Variants in TGFBRAP1 observed in about 807,000 individuals in gnomAD.
TGFBRAP1 encodes transforming growth factor-beta receptor-associated protein 1.
Under a neutral mutation model 83.2 loss-of-function variants are expected in TGFBRAP1, and 20 were observed. The observed-to-expected ratio is 0.24, with a 90% CI of 0.17 to 0.35. TGFBRAP1 has a LOEUF of 0.35. TGFBRAP1 is among the 10% of genes least tolerant of loss of function. TGFBRAP1 has a pLI of 1.00. For missense variants in TGFBRAP1, 950 were observed against 1,099.4 expected, an observed-to-expected ratio of 0.86 and a Z score of 1.92; for synonymous variants, 415 against 459.8, an observed-to-expected ratio of 0.90 and a Z score of 1.25.
At chr2:105,300,864 T>C (rs1678264543) in intron 2 of TGFBRAP1, among the ~76,000 whole-genome samples, 1 of 152,156 alleles carries the variant, frequency 6.6e-6, no homozygotes, top group Non-Finnish European at 1.5e-5. Flanking sequence ...TTAAAGGCCA[T>C]CATCAGTGAG....
chr2:105,316,520 T>C (rs1678883291), intron 1 of TGFBRAP1, among the ~76,000 whole-genome samples: 1 of 149,608 alleles, frequency 6.7e-6, no homozygotes, highest in Non-Finnish European at 1.5e-5. Flanking sequence ...AAAATTCACA[T>C]GGCAGACTGG....
chr2:105,295,788 C>T lies in TGFBRAP1; in HGVS notation c.1038+568G>A, dbSNP rs548513405. On this transcript the variant is annotated intron_variant, in intron 4 of 11. Transcript: ENST00000393359. Reference sequence around the variant, plus strand: ...ATCGCGTCACTGCACTCCAGCCTGTCGACAGAGCGAGACTCCATCTCAAAA... The same window carrying T: ...ATCGCGTCACTGCACTCCAGCCTGTTGACAGAGCGAGACTCCATCTCAAAA... 1.7e-4 allele frequency among the ~76,000 whole-genome samples: 21 copies of T among 127,166 alleles called. 1 individual carries two copies. The South Asian group carries it at 4.7e-3, about 29-fold the overall frequency. The allele number at this position is 127,166 out of a possible 152,430, so 83.4% of individuals were successfully genotyped here. A position where few individuals can be genotyped will look rare whatever the true frequency, so the allele number is the denominator to read the frequency against.
chr2:105,262,531 C>A (rs560122456), downstream of TGFBRAP1, among the ~76,000 whole-genome samples: 1 of 152,212 alleles, frequency 6.6e-6, no homozygotes, highest in Non-Finnish European at 1.5e-5. Flanking sequence ...TATAAACTAT[C>A]CAGTCTCGAA....
rs747658848 is a variant in TGFBRAP1, at chr2:105,267,481, C to T, written c.2485G>A (p.Val829Met). The T allele has an allele frequency of 6.2e-7, 1 of 1,614,196 alleles. No individual in the cohort carries two copies. The highest frequency in any genetic ancestry group is 1.1e-5 in the South Asian group (1 of 91,088). ...QICQNPFCEP[V>M]FVRYPNGGLV... ...CCACCATTTGGGTATCTAACAAACA[C>T]AGGCTCACAAAAGGGATTTTGGCAT... Residue 829 changes from valine to methionine, a missense_variant, in exon 12 of 12, where the codon GTG becomes ATG. By Grantham distance (21) the Val-to-Met change is conservative. Transcript: ENST00000393359.
chr2:105,288,882 TATA>T (rs1324124408), intron 4 of TGFBRAP1, among the ~76,000 whole-genome samples: 3 of 152,178 alleles, frequency 2.0e-5, no homozygotes, highest in Admixed American at 6.5e-5. Context: ...ACAATAAAAA[TATA>T]ATAATATATG....
chr2:105,274,179 T>C (rs1021745431), intron 8 of TGFBRAP1, among the ~76,000 whole-genome samples: 4 of 152,222 alleles, frequency 2.6e-5, no homozygotes, highest in African/African-American at 9.6e-5. Context: ...TTATGATAGA[T>C]GGTTAATCTG....
intron 2 of TGFBRAP1, among the ~76,000 whole-genome samples, chr2:105,301,025 A>G (rs1158125454): frequency 6.6e-6 from 1 of 152,022 alleles, no homozygotes; most frequent in Non-Finnish European, 1.5e-5. Context: ...GGAGTTCAAG[A>G]CCAGCCTGGG....
intron 4 of TGFBRAP1, 144 bp from the exon 5 acceptor site, chr2:105,284,542 T>C: frequency 4.4e-6 from 3 of 685,388 alleles, no homozygotes; most frequent in Admixed American, 2.6e-5. Context: ...GCATATGAAA[T>C]TATATGTATC....
At chr2:105,307,579 CA>C in intron 2 of TGFBRAP1, 34 bp downstream of exon 2, 2 of 1,565,450 alleles carry the variant, frequency 1.3e-6, no homozygotes, top group South Asian at 1.2e-5. Context: ...CGAGGCCACC[CA>C]AAAAGATCAG....
chr2:105,267,863 A>G (rs1345531508), intron 11 of TGFBRAP1: 1 of 985,330 alleles, frequency 1.0e-6, no homozygotes, highest in Non-Finnish European at 1.2e-6. Context: ...TGATCATTTC[A>G]AGCAAGGCCT....
rs1210944099 is a variant in TGFBRAP1, at chr2:105,269,104, T to TCTGCTC, written c.2406+162_2406+167dup. 9.2e-5 allele frequency among the ~76,000 whole-genome samples: 14 copies of TCTGCTC among 152,214 alleles called. No individual in the cohort carries two copies. Among genetic ancestry groups the TCTGCTC allele is most frequent in the Non-Finnish European group, 7.3e-5 (5 of 68,034 alleles). ...TACACCTACCAGCCCAGCCTCTGCC[T>TCTGCTC]CTGCTCACACAGACCTCAGTTTCTA... is the stretch of plus-strand genomic sequence containing the variant. On this transcript the variant is annotated intron_variant, in intron 11 of 11. Coordinates refer to ENST00000393359, the MANE Select transcript of TGFBRAP1 (RefSeq NM_004257.6). The surrounding 1 kb of genome is among the most constrained non-coding windows in gnomAD (Gnocchi z 4.1).
chr2:105,327,000 C>T lies in TGFBRAP1; in HGVS notation c.-18+2625G>A, dbSNP rs1044806599. On this transcript the variant is annotated intron_variant, in intron 1 of 11. Transcript: ENST00000393359. ...TTTTTTTAAATAAAGAAAAACGAGT[C>T]AGGTTTGCTACAGAGATGAGTTGTA... Among the ~76,000 whole-genome samples, 2 of 152,104 alleles carry T rather than the reference C, an allele frequency of 1.3e-5. 1 individual carries two copies. The highest frequency in any genetic ancestry group is 3.9e-4 in the East Asian group (2 of 5,188).
At chr2:105,274,662 G>A (rs1677277465) in intron 8 of TGFBRAP1, among the ~76,000 whole-genome samples, 1 of 152,234 alleles carries the variant, frequency 6.6e-6, no homozygotes, top group African/African-American at 2.4e-5. Context: ...GTCAGGATGT[G>A]CTCTGCAGGC....
chr2:105,321,756 A>G (rs1679074930), intron 1 of TGFBRAP1, among the ~76,000 whole-genome samples: 1 of 152,238 alleles, frequency 6.6e-6, no homozygotes, highest in Non-Finnish European at 1.5e-5. Flanking sequence ...TAACTGTTGG[A>G]ACATTGTAGC....
At chr2:105,270,506 C>T (rs1187241966) in intron 10 of TGFBRAP1, among the ~76,000 whole-genome samples, 2 of 152,228 alleles carry the variant, frequency 1.3e-5, no homozygotes, top group African/African-American at 2.4e-5. Flanking sequence ...TGAGGCTCAT[C>T]TGTTTTTACA....
At chr2:105,300,908 T>A (rs1200550552) in intron 2 of TGFBRAP1, among the ~76,000 whole-genome samples, 1 of 152,166 alleles carries the variant, frequency 6.6e-6, no homozygotes, top group Non-Finnish European at 1.5e-5. Context: ...TTTGTTAGGA[T>A]AACTGGACAG....
chr2:105,307,560 C>G (rs67600221), intron 2 of TGFBRAP1, 54 bp downstream of exon 2: 14 of 1,523,684 alleles, frequency 9.2e-6, no homozygotes, highest in South Asian at 3.8e-5. Flanking sequence ...AGTTTCAACA[C>G]GCAGTCACCG....
chr2:105,281,003 G>A (rs541743983), intron 5 of TGFBRAP1, among the ~76,000 whole-genome samples: 2 of 152,124 alleles, frequency 1.3e-5, no homozygotes, highest in Non-Finnish European at 2.9e-5. Flanking sequence ...TGCCTATGAT[G>A]AAGAGAATAC....
rs1676953045 is a variant in TGFBRAP1 at position 105,266,843 on chromosome 2, G to A, written c.*540C>T. The A allele has an allele frequency of 6.6e-6, 1 of 152,546 alleles. No homozygotes were observed. The highest frequency in any genetic ancestry group is 1.5e-5 in the Non-Finnish European group (1 of 68,288). 9.4% of individuals were successfully genotyped at this position (152,546 alleles called of 1,614,324 possible). On this transcript the variant is annotated 3_prime_UTR_variant, in exon 12 of 12. Coordinates refer to ENST00000393359, the MANE Select transcript of TGFBRAP1 (RefSeq NM_004257.6). Reference sequence around the variant, plus strand: ...AAGGCAGAGCCCACGAGGTAACCCTGGGAAATGGGCCCATGAGTGAGCGGC... The same window carrying A: ...AAGGCAGAGCCCACGAGGTAACCCTAGGAAATGGGCCCATGAGTGAGCGGC...
Sources: allele counts gnomAD v4.1 joint callset (sites outside exome capture counted in the v4.1 genomes callset), GRCh38; gene constraint gnomAD v4.1.1; non-coding constraint Gnocchi (gnomAD v3.1); transcripts MANE v1.5; gene names NCBI Gene and HGNC (gene_info 2026-07-23, HGNC 2026-07-21).